Variants in EYS observed in about 807,000 individuals in gnomAD.
EYS encodes protein eyes shut homolog.
Under a neutral mutation model 282.1 loss-of-function variants are expected in EYS, and 250 were observed. The ratio of observed to expected loss-of-function variants is 0.89; its 90% confidence interval spans 0.80 to 0.98. The LOEUF (loss-of-function observed/expected upper bound fraction) is 0.98, where lower values mean the gene tolerates loss of function less well. EYS is among the 50% of genes least tolerant of loss of function. The pLI, the probability that EYS is intolerant of heterozygous loss-of-function variation, is 0.00. For synonymous variants in EYS, 1,355 were observed against 1,282.9 expected (o/e 1.06, Z -1.20); for missense variants, 4,016 against 3,709.0 (o/e 1.08, Z -2.15).
chr6:64,888,962 G>T (rs960144920), intron 18 of EYS, among the ~76,000 whole-genome samples: 1 of 151,888 alleles, frequency 6.6e-6, no homozygotes, highest in Non-Finnish European at 1.5e-5. Flanking sequence ...TAAAAACAAT[G>T]ACTTTCATTT....
At chr6:63,911,347 C>G (rs1161917437) in intron 35 of EYS, among the ~76,000 whole-genome samples, 1 of 152,182 alleles carries the variant, frequency 6.6e-6, no homozygotes, top group Non-Finnish European at 1.5e-5. Context: ...ATAACTTATT[C>G]TCCAGCATAA....
intron 12 of EYS, among the ~76,000 whole-genome samples, chr6:65,270,210 A>G (rs908714885): frequency 6.6e-6 from 1 of 152,142 alleles, no homozygotes; most frequent in Non-Finnish European, 1.5e-5. Context: ...GAGAAATAGG[A>G]AAGAAGGAAG....
chr6:65,332,299 T>A (rs1319986090), intron 11 of EYS: 2 of 709,370 alleles, frequency 2.8e-6, no homozygotes, highest in Non-Finnish European at 5.2e-6. Flanking sequence ...ATTACATTAA[T>A]TGATTTTAAG....
chr6:63,745,311 A>G (rs1371905848), intron 41 of EYS, among the ~76,000 whole-genome samples: 1 of 152,236 alleles, frequency 6.6e-6, no homozygotes, highest in East Asian at 1.9e-4. Flanking sequence ...ACACACAGGA[A>G]GAATGCTATG....
At chr6:64,525,713 A>AACAC (rs1440424241) in intron 26 of EYS, among the ~76,000 whole-genome samples, 1 of 151,844 alleles carries the variant, frequency 6.6e-6, no homozygotes. Flanking sequence ...AAACAGTGAC[A>AACAC]ACACCAAAGA....
intron 2 of EYS, among the ~76,000 whole-genome samples, chr6:65,633,691 ACC>A (rs1766996004): frequency 6.6e-6 from 1 of 152,184 alleles, no homozygotes; most frequent in Admixed American, 6.6e-5. Context: ...TGAAATACCT[ACC>A]CTCAAAGCCA....
intron 31 of EYS, among the ~76,000 whole-genome samples, chr6:64,105,769 T>C (rs1772989410): frequency 6.6e-6 from 1 of 152,124 alleles, no homozygotes; most frequent in East Asian, 1.9e-4. Flanking sequence ...GATAGCTCAT[T>C]TCTCTTTAGC....
intron 29 of EYS, among the ~76,000 whole-genome samples, chr6:64,370,231 T>C (rs1050530892): frequency 6.6e-5 from 10 of 152,146 alleles, no homozygotes; most frequent in African/African-American, 2.4e-4. Context: ...GTTTTTAACA[T>C]GAAGGGATGT....
intron 40 of EYS, among the ~76,000 whole-genome samples, chr6:63,771,565 G>A (rs982031174): frequency 4.6e-5 from 7 of 152,182 alleles, no homozygotes; most frequent in Non-Finnish European, 8.8e-5. Flanking sequence ...TGAAAGACTG[G>A]TGAGCTAGAG....
chr6:64,653,149 A>G (rs1768624259), intron 22 of EYS, among the ~76,000 whole-genome samples: 1 of 152,106 alleles, frequency 6.6e-6, no homozygotes, highest in African/African-American at 2.4e-5. Flanking sequence ...CACCAAGGGA[A>G]GACTATCTGG....
At chr6:63,946,503 C>T (rs903727852) in intron 35 of EYS, among the ~76,000 whole-genome samples, 17 of 152,056 alleles carry the variant, frequency 1.1e-4, no homozygotes, top group Non-Finnish European at 2.9e-5. Context: ...ATTCACTTTT[C>T]ATTAAGTTCT....
chr6:65,585,586 A>G (rs1284090855), intron 2 of EYS, among the ~76,000 whole-genome samples: 1 of 152,002 alleles, frequency 6.6e-6, no homozygotes, highest in Non-Finnish European at 1.5e-5. Flanking sequence ...TATTATTTCA[A>G]TAACAGTTTT....
At chr6:64,118,806 A>G (rs1478244525) in intron 31 of EYS, among the ~76,000 whole-genome samples, 1 of 152,140 alleles carries the variant, frequency 6.6e-6, no homozygotes, top group African/African-American at 2.4e-5. Context: ...GTAATTATCC[A>G]GAATCTACAA....
At chr6:65,360,237 C>T (rs190963740) in intron 8 of EYS, among the ~76,000 whole-genome samples, 35 of 151,848 alleles carry the variant, frequency 2.3e-4, no homozygotes, top group Middle Eastern at 6.8e-3. Flanking sequence ...CTTATTCTAT[C>T]CAATTTAAAG....
intron 22 of EYS, among the ~76,000 whole-genome samples, chr6:64,654,619 A>G (rs1451247919): frequency 6.6e-6 from 1 of 152,212 alleles, no homozygotes; most frequent in African/African-American, 2.4e-5. Context: ...GTTGCTTGAC[A>G]AAGTTCTGTG....
intron 2 of EYS, among the ~76,000 whole-genome samples, chr6:65,595,649 C>A (rs79857070): frequency 1.2e-4 from 18 of 146,120 alleles, no homozygotes; most frequent in South Asian, 2.1e-4. Context: ...TCTTTTATCT[C>A]AAAAAAAAAA....
chr6:64,000,231 G>A (rs1275694649), intron 33 of EYS, among the ~76,000 whole-genome samples: 2 of 118,354 alleles, frequency 1.7e-5, no homozygotes, highest in Non-Finnish European at 3.2e-5. Flanking sequence ...TCGCTCTGTC[G>A]CCCAGGCTGG....
At chr6:64,207,521 G>A (rs1765646230) in intron 31 of EYS, among the ~76,000 whole-genome samples, 1 of 152,128 alleles carries the variant, frequency 6.6e-6, no homozygotes, top group Non-Finnish European at 1.5e-5. Flanking sequence ...ACTAGCTAAT[G>A]CATTACCTCA....
intron 30 of EYS, among the ~76,000 whole-genome samples, chr6:64,290,903 T>G (rs1768680313): frequency 4.0e-5 from 1 of 25,008 alleles, no homozygotes; most frequent in South Asian, 1.2e-3. Flanking sequence ...ACTACTCAAC[T>G]GTGGTTGTAA....
Sources: allele counts gnomAD v4.1 joint callset (sites outside exome capture counted in the v4.1 genomes callset), GRCh38; gene constraint gnomAD v4.1.1; transcripts MANE v1.5; gene names NCBI Gene and HGNC (gene_info 2026-07-23, HGNC 2026-07-21).